ZNF277: variants seen among roughly 807,000 people sequenced by gnomAD.
The protein encoded by ZNF277 is nuclear receptor-interacting factor 4.
ZNF277 carries 55 observed loss-of-function variants against 60.7 expected under a neutral mutation model. That is an observed-to-expected ratio of 0.91 (90% CI 0.73 to 1.13). ZNF277 has a LOEUF of 1.13. Among genes scored for constraint, ZNF277 ranks in the 50% most tolerant of loss-of-function variants. The probability of loss-of-function intolerance (pLI) is 0.00; values close to 1 mark genes in which losing one functional copy is unlikely to be tolerated. For missense variants in ZNF277, 510 were observed against 523.0 expected (o/e 0.98, Z 0.24); for synonymous variants, 178 against 179.3 (o/e 0.99, Z 0.06).
rs1792785333 is a variant in ZNF277 at position 112,313,922 on chromosome 7, T to A, written c.466-4260T>A. ...TATGTTGTTGCACCTCGGGTATAAA[T>A]GTAGTCATCATGTATTTATTGAGAA... is the stretch of plus-strand genomic sequence containing the variant. On this transcript the variant is annotated intron_variant, in intron 4 of 11. Transcript: ENST00000361822. Among the ~76,000 whole-genome samples, 2 of 152,144 alleles carry A rather than the reference T, an allele frequency of 1.3e-5. 1 individual carries two copies. The highest frequency in any genetic ancestry group is 4.8e-5 in the African/African-American group (2 of 41,442).
At chr7:112,295,371 A>G (rs1792300302) in intron 2 of ZNF277, among the ~76,000 whole-genome samples, 1 of 152,140 alleles carries the variant, frequency 6.6e-6, no homozygotes, top group African/African-American at 2.4e-5. Context: ...CAGTGTAGAC[A>G]TATGGAATTT....
At chr7:112,321,034 G>T (rs1211077841) in intron 5 of ZNF277, among the ~76,000 whole-genome samples, 1 of 145,004 alleles carries the variant, frequency 6.9e-6, no homozygotes. Context: ...CCATTCTTCT[G>T]CCTCAGCCTC....
Position 112,246,782 on chromosome 7 carries a change from G to T in ZNF277, c.91+39975G>T, listed in dbSNP as rs376181533. The stretch of plus-strand genomic sequence containing the variant: ...CCTTCAGTGTCCATCCAAATGCTTG[G>T]CATACAGTAAGCACTGAATAAATGC... On this transcript the variant is annotated intron_variant, in intron 1 of 11. Transcript: ENST00000361822. 2.5e-4 allele frequency among the ~76,000 whole-genome samples: 38 copies of T among 152,260 alleles called. 1 individual carries two copies. In the East Asian group the frequency reaches 3.3e-3, roughly 13 times the overall value.
chr7:112,329,776 A>G (rs536866333), intron 6 of ZNF277, among the ~76,000 whole-genome samples: 2 of 152,344 alleles, frequency 1.3e-5, no homozygotes, highest in East Asian at 3.9e-4. Context: ...ACATACCTAC[A>G]TACTTATTTT....
At chr7:112,342,247 T>C (rs897814054) in intron 11 of ZNF277, among the ~76,000 whole-genome samples, 1 of 151,950 alleles carries the variant, frequency 6.6e-6, no homozygotes, top group Non-Finnish European at 1.5e-5. Flanking sequence ...TCGAAGATAG[T>C]GTGTTTTGTT....
At chr7:112,299,142 C>G (rs1042543506) in intron 4 of ZNF277, among the ~76,000 whole-genome samples, 1 of 152,116 alleles carries the variant, frequency 6.6e-6, no homozygotes, top group African/African-American at 2.4e-5. Context: ...TTGCCATCAG[C>G]CAGTTCATCA....
intron 4 of ZNF277, among the ~76,000 whole-genome samples, chr7:112,310,119 C>G (rs942667008): frequency 6.6e-6 from 1 of 152,028 alleles, no homozygotes; most frequent in Non-Finnish European, 1.5e-5. Context: ...CATGGTTGAG[C>G]TTGATCTCCA....
intron 1 of ZNF277, among the ~76,000 whole-genome samples, chr7:112,214,551 T>A (rs1337502465): frequency 1.3e-5 from 2 of 152,208 alleles, no homozygotes; most frequent in East Asian, 3.8e-4. Context: ...CTTCTGTTTT[T>A]CTTTACTTCT....
intron 4 of ZNF277, among the ~76,000 whole-genome samples, chr7:112,314,557 GC>G (rs1250675112): frequency 6.6e-6 from 1 of 152,270 alleles, no homozygotes; most frequent in African/African-American, 2.4e-5. Flanking sequence ...CCTTTGGGAG[GC>G]TGAGGGAGGA....
chr7:112,337,766 A>G lies in ZNF277; in HGVS notation c.906A>G (p.Ala302=). ...ATTGGGAAGAACACCCTGCCTCTGC[A>G]GTCTGCTTATTTTGTGAAAAGCAAG... ...WSDWEEHPAS[A]VCLFCEKQAE... The change falls in exon 9 of 12, where the codon GCA becomes GCG. Residue 302 remains alanine, a synonymous_variant. Transcript: ENST00000361822. The G allele has an allele frequency of 6.2e-7, 1 of 1,612,702 alleles. No homozygotes were observed. The highest frequency in any genetic ancestry group is 8.5e-7 in the Non-Finnish European group (1 of 1,179,544).
chr7:112,238,465 A>G (rs1790861577), intron 1 of ZNF277, among the ~76,000 whole-genome samples: 1 of 152,162 alleles, frequency 6.6e-6, no homozygotes, highest in Non-Finnish European at 1.5e-5. Context: ...AGAAATCAGA[A>G]AGGCAGTCTA....
chr7:112,296,926 T>TATTATTA (rs1231651790), intron 4 of ZNF277, among the ~76,000 whole-genome samples: 2 of 82,432 alleles, frequency 2.4e-5, no homozygotes, highest in African/African-American at 8.1e-5. Context: ...TTTTTTTTTT[T>TATTATTA]TTTTTTTTTT....
At chr7:112,264,491 T>A (rs1408307805) in intron 1 of ZNF277, among the ~76,000 whole-genome samples, 1 of 152,094 alleles carries the variant, frequency 6.6e-6, no homozygotes, top group Non-Finnish European at 1.5e-5. Context: ...ACCTGAAGAA[T>A]CGGTTAAACA....
At position 112,337,359 on chromosome 7, in the gene ZNF277, T is replaced by C. The variant is rs1379214515; in HGVS notation, c.870-371T>C. 5.3e-5 allele frequency among the ~76,000 whole-genome samples: 8 copies of C among 152,240 alleles called. No individual in the cohort carries two copies. In the East Asian group the frequency reaches 1.5e-3, roughly 29 times the overall value. ...TCCCGGCATCACACCTCACAGCGTG[T>C]GCACTCAGTGGTTGTGGTTAATGGG... On this transcript the variant is annotated intron_variant, in intron 8 of 11. Coordinates refer to ENST00000361822, the MANE Select transcript of ZNF277 (RefSeq NM_021994.3).
At chr7:112,310,883 A>G (rs1254977230) in intron 4 of ZNF277, among the ~76,000 whole-genome samples, 1 of 152,054 alleles carries the variant, frequency 6.6e-6, no homozygotes, top group African/African-American at 2.4e-5. Flanking sequence ...AGCCACTCAT[A>G]TATCCATTTA....
chr7:112,279,723 T>C (rs998758895), intron 1 of ZNF277, among the ~76,000 whole-genome samples: 1 of 152,242 alleles, frequency 6.6e-6, no homozygotes, highest in Non-Finnish European at 1.5e-5. Flanking sequence ...ACACGTATTT[T>C]GTATATATAT....
intron 5 of ZNF277, among the ~76,000 whole-genome samples, chr7:112,323,670 C>T (rs73424489): frequency 0.028 from 4,242 of 152,272 alleles, 206 homozygotes; most frequent in African/African-American, 0.098. Context: ...ATAAATGTTC[C>T]TTGGATTGTT....
chr7:112,277,594 A>G (rs888700876), intron 1 of ZNF277, among the ~76,000 whole-genome samples: 2 of 152,212 alleles, frequency 1.3e-5, no homozygotes, highest in Admixed American at 1.3e-4. Context: ...TAAATTAATT[A>G]AAACTAAATT....
At chr7:112,328,613 G>C (rs1017580172) in intron 6 of ZNF277, among the ~76,000 whole-genome samples, 1 of 152,178 alleles carries the variant, frequency 6.6e-6, no homozygotes, top group African/African-American at 2.4e-5. Context: ...GCTCACACCT[G>C]TAATCCCAGC....
Sources: gnomAD v4.1 joint callset for allele counts (sites outside exome capture counted in the v4.1 genomes callset) on GRCh38, gnomAD v4.1.1 for gene constraint, MANE v1.5 for transcripts, NCBI Gene and HGNC (gene_info 2026-07-23, HGNC 2026-07-21) for gene names.